DNAI7: variants seen among roughly 807,000 people sequenced by gnomAD.
DNAI7 encodes the protein cancer susceptibility 1.
DNAI7 carries 78 observed loss-of-function variants against 86.6 expected under a neutral mutation model. The ratio of observed to expected loss-of-function variants is 0.90; its 90% CI spans 0.75 to 1.09. DNAI7 has a LOEUF of 1.09. Ranked by LOEUF, DNAI7 falls within the 50% of genes least tolerant of loss-of-function variation. DNAI7 has a pLI of 0.00. For synonymous variants in DNAI7, 274 were observed against 273.0 expected (o/e 1.00, Z -0.04); for missense variants, 753 against 810.2 (o/e 0.93, Z 0.86).
chr12:25,156,926 G>A (rs1180029969), intron 4 of DNAI7, among the ~76,000 whole-genome samples: 1 of 152,088 alleles, frequency 6.6e-6, no homozygotes, highest in Non-Finnish European at 1.5e-5. Flanking sequence ...CAGAGGGTAA[G>A]ATAGATCAAT....
rs981053509 is a variant in DNAI7 at position 25,124,330 on chromosome 12, C to T, written c.1003-1044G>A. Among the ~76,000 whole-genome samples the T allele has an allele frequency of 1.2e-4, 18 of 151,970 alleles. No homozygotes were observed. The East Asian group carries it at 3.5e-3, about 29-fold the overall frequency. On this transcript the variant is annotated intron_variant, in intron 9 of 15. Transcript: ENST00000395987. ...TCTCTGCAAACCCTTTCCATCATGC[C>T]TCTGAACCTTCTCCCTTATTTATTC...
At position 25,114,880 on chromosome 12, in the gene DNAI7, T is replaced by G; in HGVS notation, c.1397-10A>C. ...GTTCTCCAATGTTTACCTTTATAAT[T>G]GATGAAGAAAGTGACACTAGTTTCA... On this transcript the variant is annotated splice_polypyrimidine_tract_variant and intron_variant, in intron 12 of 15. Coordinates refer to ENST00000395987, the MANE Select transcript of DNAI7 (RefSeq NM_018272.5). The G allele has an allele frequency of 6.3e-7, 1 of 1,585,458 alleles. No homozygotes were observed.
chr12:25,110,960 A>G (rs1265806938), intron 14 of DNAI7, among the ~76,000 whole-genome samples: 2 of 152,224 alleles, frequency 1.3e-5, no homozygotes, highest in African/African-American at 2.4e-5. Flanking sequence ...AAGCATGAGC[A>G]GAACACTACA....
At chr12:25,145,843 T>C (rs1400348040) in intron 8 of DNAI7, among the ~76,000 whole-genome samples, 2 of 152,228 alleles carry the variant, frequency 1.3e-5, no homozygotes, top group African/African-American at 4.8e-5. Context: ...TTTGCCATCG[T>C]CACTGTCATT....
chr12:25,148,071 T>C (rs958385178), intron 7 of DNAI7, among the ~76,000 whole-genome samples: 2 of 151,966 alleles, frequency 1.3e-5, no homozygotes, highest in Non-Finnish European at 2.9e-5. Context: ...TTGAAGATTA[T>C]ATTTATTATT....
At chr12:25,127,693 C>T (rs890298034) in intron 9 of DNAI7, among the ~76,000 whole-genome samples, 1 of 152,158 alleles carries the variant, frequency 6.6e-6, no homozygotes, top group Non-Finnish European at 1.5e-5. Context: ...GGGACACTAG[C>T]AAATAATTTT....
intron 13 of DNAI7, among the ~76,000 whole-genome samples, chr12:25,113,525 C>T (rs2140362976): frequency 6.6e-6 from 1 of 152,224 alleles, no homozygotes; most frequent in Middle Eastern, 3.4e-3. Flanking sequence ...TGGTCTCAAA[C>T]TCCTGACCTC....
Position 25,149,001 on chromosome 12 carries a change from ACTTTTATTTTTTTGAG to A in DNAI7, c.585+611_585+626del, listed in dbSNP as rs1259916581. Among the ~76,000 whole-genome samples, 7 of 151,952 alleles carry A rather than the reference ACTTTTATTTTTTTGAG, an allele frequency of 4.6e-5. No homozygotes were observed. In the South Asian group the frequency reaches 1.2e-3, roughly 27 times the overall value. On this transcript the variant is annotated intron_variant, in intron 7 of 15. Transcript: ENST00000395987. ...TTCTTCTCCTTCTTCTTCTATTCTT[ACTTTTATTTTTTTGAG>A]ACAGAGTCTGCCTCTGTTGCCCAGG...
At chr12:25,175,212 TC>T (rs915122111) in intron 2 of DNAI7, among the ~76,000 whole-genome samples, 43 of 152,266 alleles carry the variant, frequency 2.8e-4, no homozygotes, top group African/African-American at 9.4e-4. Flanking sequence ...AATCCTCTCT[TC>T]CACTCTACTC....
intron 2 of DNAI7, among the ~76,000 whole-genome samples, chr12:25,174,707 CATATGGAATATATATATCATATAT>C (rs1367954197): frequency 4.0e-5 from 3 of 74,958 alleles, no homozygotes; most frequent in Non-Finnish European, 5.3e-5. Flanking sequence ...AGATATCATA[CATATGGAATATATATATCATATAT>C]ATATGGAATA....
chr12:25,170,084 G>A (rs986240714), intron 2 of DNAI7, among the ~76,000 whole-genome samples: 1 of 152,006 alleles, frequency 6.6e-6, no homozygotes, highest in Admixed American at 6.6e-5. Flanking sequence ...GAGGGATAGT[G>A]TATAATGGTT....
Position 25,113,951 on chromosome 12 carries a change from T to TG in DNAI7, c.1611+704_1611+705insC, listed in dbSNP as rs71065903. On this transcript the variant is annotated intron_variant, in intron 13 of 15. Coordinates refer to ENST00000395987, the MANE Select transcript of DNAI7 (RefSeq NM_018272.5). ...CTTTCTTTCTGGGTTTTTTTTTTTT[T>TG]TTTTTTTTTTTTGAGACAGAGTTTC... 6.2e-3 allele frequency among the ~76,000 whole-genome samples: 857 copies of TG among 138,608 alleles called. 9 individuals carry two copies. The highest frequency in any genetic ancestry group is 0.025 in the East Asian group (120 of 4,868). The allele number at this position is 138,608 out of a possible 152,430, so 90.9% of individuals were successfully genotyped here.
chr12:25,176,384 A>G (rs2141232513), intron 2 of DNAI7, among the ~76,000 whole-genome samples: 1 of 152,198 alleles, frequency 6.6e-6, no homozygotes, highest in Non-Finnish European at 1.5e-5. Flanking sequence ...ACACAACTGA[A>G]TAAAGTAACA....
chr12:25,174,697 A>ATATATCATATATAT lies in DNAI7; in HGVS notation c.22-13501_22-13500insATATATATGATATA, dbSNP rs1255599018. The stretch of plus-strand genomic sequence containing the variant: ...TATATATCATATATATATGGAATAT[A>ATATATCATATATAT]GATATCATACATATGGAATATATAT... On this transcript the variant is annotated intron_variant, in intron 2 of 15. Transcript: ENST00000395987. Among the ~76,000 whole-genome samples, 6 of 127,258 alleles carry ATATATCATATATAT rather than the reference A, an allele frequency of 4.7e-5. 1 individual carries two copies. The highest frequency in any genetic ancestry group is 2.4e-4 in the South Asian group (1 of 4,184). The allele number at this position is 127,258 out of a possible 152,430, so 83.5% of individuals were successfully genotyped here. A position where few individuals can be genotyped will look rare whatever the true frequency, so the allele number is the denominator to read the frequency against.
chr12:25,188,152 A>G (rs1324608887), intron 2 of DNAI7, among the ~76,000 whole-genome samples: 2 of 152,248 alleles, frequency 1.3e-5, no homozygotes, highest in African/African-American at 4.8e-5. Flanking sequence ...TGATTGTAAG[A>G]TACTATTATA....
intron 13 of DNAI7, among the ~76,000 whole-genome samples, chr12:25,112,220 A>G (rs527719676): frequency 6.6e-6 from 1 of 152,298 alleles, no homozygotes; most frequent in Admixed American, 6.5e-5. Flanking sequence ...AAATTGTAAT[A>G]TAAGAATATG....
intron 6 of DNAI7, 26 bp from the exon 7 acceptor site, chr12:25,149,800 T>A (rs945113790): frequency 1.5e-6 from 2 of 1,368,402 alleles, no homozygotes; most frequent in Non-Finnish European, 2.1e-6. Flanking sequence ...ATATTTGCAT[T>A]AATTCTCAGA....
rs191506882 is a variant in DNAI7, at chr12:25,114,626, T to C, written c.1611+30A>G. 2.5e-3 allele frequency: 3,630 copies of C among 1,447,078 alleles called. 56 individuals carry two copies. The Admixed American group carries it at 0.031, about 12-fold the overall frequency. The allele number at this position is 1,447,078 out of a possible 1,614,324, so 89.6% of individuals were successfully genotyped here. ...TCAAAATGGTTTACCTCTGATACGA[T>C]AGTACATAACAGCTACAAGAGTAAC... On this transcript the variant is annotated intron_variant, in intron 13 of 15. Transcript: ENST00000395987.
In DNAI7 at chr12:25,123,238, T is replaced by C. The variant is rs1403585476; in HGVS notation, c.1051A>G (p.Lys351Glu). 1 of 1,605,952 alleles carries C rather than the reference T, an allele frequency of 6.2e-7. No individual in the cohort carries two copies. Residue 351 changes from lysine to glutamate, a missense_variant, in exon 10 of 16, where the codon AAA becomes GAA. Lys to Glu is a moderately conservative substitution (Grantham distance 56). Transcript: ENST00000395987. ...GCTGAAACAGTTTCACTTAATACTT[T>C]CATCTCTCGTTCACATTTTATGGCT... Reference protein sequence around the residue: ...SEAIKCEREMKVLSETVSAAQ... With the variant: ...SEAIKCEREMEVLSETVSAAQ...
Sources: gnomAD v4.1 joint callset for allele counts (sites outside exome capture counted in the v4.1 genomes callset) on GRCh38, gnomAD v4.1.1 for gene constraint, MANE v1.5 for transcripts, NCBI Gene and HGNC (gene_info 2026-07-23, HGNC 2026-07-21) for gene names.